Variants in RBFOX1 observed in about 807,000 individuals in gnomAD.
RBFOX1 encodes the protein RNA binding fox-1 homolog 1.
A neutral mutation model predicts 57.7 loss-of-function variants in RBFOX1; 8 were observed. The observed-to-expected ratio is 0.14, with a 90% CI of 0.08 to 0.25. The LOEUF is 0.25. Ranked by LOEUF, RBFOX1 falls within the 10% of genes least tolerant of loss-of-function variation. The pLI, the probability that RBFOX1 is intolerant of heterozygous loss-of-function variation, is 1.00. For missense variants in RBFOX1, 611 were observed against 548.5 expected, an observed-to-expected ratio of 1.11 and a Z score of -1.14; for synonymous variants, 326 against 222.4, an observed-to-expected ratio of 1.47 and a Z score of -4.15.
chr16:6,605,131 C>T (rs1183308065), intron 2 of RBFOX1, among the ~76,000 whole-genome samples: 5 of 152,010 alleles, frequency 3.3e-5, no homozygotes, highest in Non-Finnish European at 7.4e-5. Context: ...CTCAGCTACT[C>T]GGGAAGCTAA....
chr16:6,755,011 A>G (rs1422586902), intron 3 of RBFOX1, among the ~76,000 whole-genome samples: 3 of 152,316 alleles, frequency 2.0e-5, no homozygotes, highest in South Asian at 2.1e-4. Context: ...AATTTCATCC[A>G]TGTCCCTACA....
intron 2 of RBFOX1, among the ~76,000 whole-genome samples, chr16:6,586,513 G>A (rs975941083): frequency 2.6e-5 from 4 of 152,198 alleles, no homozygotes; most frequent in African/African-American, 9.7e-5. Flanking sequence ...GAAAAAAACA[G>A]TATTGTCTCA....
chr16:6,878,429 C>A (rs76192286), intron 3 of RBFOX1, among the ~76,000 whole-genome samples: 17 of 152,114 alleles, frequency 1.1e-4, no homozygotes, highest in Non-Finnish European at 1.8e-4. Context: ...TCCAAGATTG[C>A]TGAGAGTCTT....
At chr16:6,566,833 G>T (rs1323033422) in intron 2 of RBFOX1, among the ~76,000 whole-genome samples, 2 of 152,106 alleles carry the variant, frequency 1.3e-5, no homozygotes. Context: ...AGTAGCAGTC[G>T]AGACACTGTT....
chr16:6,587,936 C>G (rs773655415), intron 2 of RBFOX1, among the ~76,000 whole-genome samples: 17 of 152,132 alleles, frequency 1.1e-4, no homozygotes, highest in Non-Finnish European at 2.4e-4. Context: ...CTCTTAAAAA[C>G]AAGGCGGTTT....
At chr16:7,048,522 G>A (rs571439342) in intron 3 of RBFOX1, among the ~76,000 whole-genome samples, 5 of 151,058 alleles carry the variant, frequency 3.3e-5, no homozygotes, top group Admixed American at 3.3e-4. Context: ...GCCTTCCAAA[G>A]TGCTGGGATT....
intron 2 of RBFOX1, among the ~76,000 whole-genome samples, chr16:6,579,825 G>T (rs891116810): frequency 1.3e-5 from 2 of 151,976 alleles, no homozygotes; most frequent in African/African-American, 4.8e-5. Flanking sequence ...GTCTCAAGCT[G>T]TCCTCCCATA....
intron 2 of RBFOX1, chr16:6,577,455 C>G (rs2097457132): frequency 1.3e-5 from 2 of 152,186 alleles, no homozygotes; most frequent in South Asian, 2.1e-4. Context: ...CCTTCCAACT[C>G]TCCAGTTTGT....
chr16:5,330,467 A>T (rs141172150), intron 1 of RBFOX1, among the ~76,000 whole-genome samples: 13 of 152,156 alleles, frequency 8.5e-5, no homozygotes, highest in African/African-American at 3.1e-4. Flanking sequence ...CAATGGCATG[A>T]CCTCGGCTCA....
intron 4 of RBFOX1, among the ~76,000 whole-genome samples, chr16:7,267,504 C>T (rs964401400): frequency 1.3e-5 from 2 of 152,008 alleles, no homozygotes; most frequent in African/African-American, 4.8e-5. Flanking sequence ...CTACTGCATT[C>T]CAGCCTGGGC....
chr16:7,603,554 A>G (rs2095147557), intron 9 of RBFOX1, among the ~76,000 whole-genome samples: 1 of 152,180 alleles, frequency 6.6e-6, no homozygotes, highest in African/African-American at 2.4e-5. Flanking sequence ...ATTAACTGGC[A>G]TGTTCTGAAA....
chr16:5,431,456 C>A (rs990622930), intron 1 of RBFOX1, among the ~76,000 whole-genome samples: 4 of 151,998 alleles, frequency 2.6e-5, no homozygotes, highest in African/African-American at 9.7e-5. Context: ...CTCACTACAA[C>A]CTCCGCCTCC....
At chr16:7,078,788 T>A (rs767874738) in intron 4 of RBFOX1, among the ~76,000 whole-genome samples, 3 of 149,428 alleles carry the variant, frequency 2.0e-5, no homozygotes, top group Non-Finnish European at 3.0e-5. Context: ...GTTCAAGCGA[T>A]TCTCCTGCCT....
At chr16:7,690,552 G>C (rs1598188095) in intron 14 of RBFOX1, among the ~76,000 whole-genome samples, 2 of 152,274 alleles carry the variant, frequency 1.3e-5, no homozygotes, top group East Asian at 1.9e-4. Context: ...TCACGGGTCT[G>C]TGTTGAGAGA....
chr16:7,420,960 C>CATAT (rs540217288), intron 4 of RBFOX1, among the ~76,000 whole-genome samples: 3,267 of 145,728 alleles, frequency 0.022, 132 homozygotes, highest in African/African-American at 0.08. Context: ...CACACACACA[C>CATAT]ATATATATAT....
intron 2 of RBFOX1, among the ~76,000 whole-genome samples, chr16:5,515,563 T>C (rs1334607110): frequency 6.6e-6 from 1 of 152,228 alleles, no homozygotes; most frequent in Non-Finnish European, 1.5e-5. Flanking sequence ...AATTGAGATA[T>C]TGGAAGATGT....
intron 2 of RBFOX1, among the ~76,000 whole-genome samples, chr16:6,582,487 G>A (rs1481794537): frequency 7.1e-6 from 1 of 140,852 alleles, no homozygotes; most frequent in Non-Finnish European, 1.5e-5. Flanking sequence ...ATTTTTAGAT[G>A]CCCTTGGACC....
intron 2 of RBFOX1, among the ~76,000 whole-genome samples, chr16:5,553,089 A>C (rs1308256605): frequency 6.6e-6 from 1 of 152,144 alleles, no homozygotes; most frequent in East Asian, 1.9e-4. Context: ...CAATGAGATC[A>C]CTTGGACACA....
chr16:5,706,446 C>G (rs549980236), intron 3 of RBFOX1, among the ~76,000 whole-genome samples: 3 of 152,228 alleles, frequency 2.0e-5, no homozygotes, highest in Admixed American at 6.5e-5. Flanking sequence ...CCCTGGTGCT[C>G]CCCCGTCATT....
Sources: gnomAD v4.1 joint callset for allele counts (sites outside exome capture counted in the v4.1 genomes callset) on GRCh38, gnomAD v4.1.1 for gene constraint, MANE v1.5 for transcripts, NCBI Gene and HGNC (gene_info 2026-07-23, HGNC 2026-07-21) for gene names.